MMP13: variants seen among roughly 807,000 people sequenced by gnomAD.
MMP13 encodes matrix metallopeptidase 13.
In MMP13, 45 loss-of-function variants were observed where a neutral mutation model predicts 52.1. That is an observed-to-expected ratio of 0.86 (90% confidence interval 0.68 to 1.11). The LOEUF (loss-of-function observed/expected upper bound fraction) is 1.11, where lower values mean the gene tolerates loss of function less well. Ranked by LOEUF, MMP13 falls within the 50% of genes least tolerant of loss-of-function variation. The pLI is 0.00. For missense variants in MMP13, 576 were observed against 583.8 expected, an observed-to-expected ratio of 0.99 and a Z score of 0.14; for synonymous variants, 200 against 204.4, an observed-to-expected ratio of 0.98 and a Z score of 0.18.
In MMP13 at chr11:102,951,752, T is replaced by A. The variant is rs144905065; in HGVS notation, c.799+260A>T. 6.4e-3 allele frequency among the ~76,000 whole-genome samples: 967 copies of A among 152,274 alleles called. 3 individuals are homozygous for A. The highest frequency in any genetic ancestry group is 0.017 in the Middle Eastern group (5 of 294). ...TAGGCTATATGGAACAGCCCATGTCTCCTAGGCTAGAAACCTGTCCAGCAT... is the reference window on the plus strand; with the variant it reads ...TAGGCTATATGGAACAGCCCATGTCACCTAGGCTAGAAACCTGTCCAGCAT... On this transcript the variant is annotated intron_variant, in intron 5 of 9. Transcript: ENST00000260302.
rs1352240690 is a variant in MMP13, at chr11:102,952,224, G to A, written c.638-51C>T. Reference sequence around the variant, plus strand: ...GAAAAAAAGGAATTCCAGTGACCAGGTAATGAAAGGAATATCATTTTATCT... The same window carrying A: ...GAAAAAAAGGAATTCCAGTGACCAGATAATGAAAGGAATATCATTTTATCT... On this transcript the variant is annotated intron_variant, in intron 4 of 9. Coordinates refer to ENST00000260302, the MANE Select transcript of MMP13 (RefSeq NM_002427.4). This position sits in a 1 kb window ranked among gnomAD's most constrained non-coding sequence, Gnocchi z 4.3. 4 of 1,582,926 alleles carry A rather than the reference G, an allele frequency of 2.5e-6. No homozygotes were observed. The highest frequency in any genetic ancestry group is 3.5e-6 in the Non-Finnish European group (4 of 1,153,094).
intron 8 of MMP13, among the ~76,000 whole-genome samples, chr11:102,946,400 C>T (rs1160893193): frequency 6.6e-6 from 1 of 152,084 alleles, no homozygotes; most frequent in Non-Finnish European, 1.5e-5. Context: ...GAGGTATGTT[C>T]CAACAAGTAA....
At chr11:102,953,026 C>A (rs2134520971) in intron 4 of MMP13, among the ~76,000 whole-genome samples, 1 of 152,196 alleles carries the variant, frequency 6.6e-6, no homozygotes, top group South Asian at 2.1e-4. Flanking sequence ...AATGAACCAT[C>A]CTAGCAAACC....
intron 5 of MMP13, 52 bp downstream of exon 5, chr11:102,951,960 G>T: frequency 6.4e-7 from 1 of 1,572,446 alleles, no homozygotes; most frequent in Non-Finnish European, 8.7e-7. Flanking sequence ...TAAATGCATG[G>T]GTTTCTTCTG....
intron 8 of MMP13, among the ~76,000 whole-genome samples, chr11:102,947,290 G>T (rs1555016758): frequency 6.6e-6 from 1 of 152,160 alleles, no homozygotes; most frequent in African/African-American, 2.4e-5. Flanking sequence ...GAAAGAGAAG[G>T]TGCCAATTGG....
At chr11:102,954,077 T>C in intron 4 of MMP13, 79 bp downstream of exon 4, 1 of 1,512,172 alleles carries the variant, frequency 6.6e-7, no homozygotes, top group African/African-American at 1.4e-5. Flanking sequence ...ATTTAACTTT[T>C]ATGTGTTTTA....
chr11:102,947,783 C>A (rs1860536944), intron 8 of MMP13, 108 bp downstream of exon 8: 8 of 1,251,312 alleles, frequency 6.4e-6, no homozygotes, highest in Non-Finnish European at 9.3e-6. Context: ...AAATGAATGA[C>A]TAGTATGACA....
chr11:102,946,911 G>A (rs1860517857), intron 8 of MMP13, among the ~76,000 whole-genome samples: 1 of 152,172 alleles, frequency 6.6e-6, no homozygotes, highest in Admixed American at 6.5e-5. Context: ...CTGTGTGTAT[G>A]TAGAGATGGA....
rs892052638 is a variant in MMP13, at chr11:102,952,587, A to G, written c.638-414T>C. 6.6e-6 allele frequency among the ~76,000 whole-genome samples: 1 copy of G among 152,160 alleles called. No homozygotes were observed. The highest frequency in any genetic ancestry group is 1.5e-5 in the Non-Finnish European group (1 of 68,022). The stretch of plus-strand genomic sequence containing the variant: ...GTGGTACCTAGCTAGGGTGCTGCCC[A>G]GAACATCCTCCAATCAGGAGGCAGC... On this transcript the variant is annotated intron_variant, in intron 4 of 9. Coordinates refer to ENST00000260302, the MANE Select transcript of MMP13 (RefSeq NM_002427.4). This position sits in a 1 kb window ranked among gnomAD's most constrained non-coding sequence, Gnocchi z 4.3.
At chr11:102,946,282 C>T (rs1860506000) in intron 8 of MMP13, among the ~76,000 whole-genome samples, 1 of 152,200 alleles carries the variant, frequency 6.6e-6, no homozygotes, top group African/African-American at 2.4e-5. Flanking sequence ...TTCTCCCCTG[C>T]CCACAGCCAC....
intron 5 of MMP13, among the ~76,000 whole-genome samples, chr11:102,951,711 T>C (rs1228939754): frequency 6.6e-6 from 1 of 152,146 alleles, no homozygotes; most frequent in African/African-American, 2.4e-5. Context: ...CCTAGATATA[T>C]AACCTACTAC....
rs56263074 is a variant in MMP13 at position 102,955,731 on chromosome 11, T to A, written c.-26A>T. On this transcript the variant is annotated 5_prime_UTR_variant, in exon 1 of 10. Coordinates refer to ENST00000260302, the MANE Select transcript of MMP13 (RefSeq NM_002427.4). This position sits in a 1 kb window ranked among gnomAD's most constrained non-coding sequence, Gnocchi z 4.9. ...CTTGAATGGTGATGCCTGGGGACTG[T>A]TGTCTTTCCGCAGAGATTACCTTTA... 6 of 1,613,458 alleles carry A rather than the reference T, an allele frequency of 3.7e-6. No homozygotes were observed. Among genetic ancestry groups the A allele is most frequent in the Non-Finnish European group, 5.1e-6 (6 of 1,179,798 alleles).
chr11:102,952,237 T>C lies in MMP13; in HGVS notation c.638-64A>G. 0.069 allele frequency: 70,507 copies of C among 1,025,268 alleles called. No homozygotes were observed. The highest frequency in any genetic ancestry group is 0.097 in the Non-Finnish European group (64,460 of 662,146). 63.5% of individuals were successfully genotyped at this position (1,025,268 alleles called of 1,614,324 possible). A position where few individuals can be genotyped will look rare whatever the true frequency, so the allele number is the denominator to read the frequency against. The stretch of plus-strand genomic sequence containing the variant: ...TCCAGTGACCAGGTAATGAAAGGAA[T>C]ATCATTTTATCTATCTGGTATGTTT... On this transcript the variant is annotated intron_variant, in intron 4 of 9. Coordinates refer to ENST00000260302, the MANE Select transcript of MMP13 (RefSeq NM_002427.4). The surrounding 1 kb of genome is among the most constrained non-coding windows in gnomAD (Gnocchi z 4.3).
intron 8 of MMP13, 70 bp downstream of exon 8, chr11:102,947,821 T>C: frequency 6.7e-7 from 1 of 1,491,960 alleles, no homozygotes; most frequent in South Asian, 1.1e-5. Flanking sequence ...GAATAATGTA[T>C]AGTAGTGACA....
chr11:102,948,129 A>G, intron 7 of MMP13, 79 bp from the exon 8 acceptor site: 1 of 1,157,542 alleles, frequency 8.6e-7, no homozygotes, highest in South Asian at 1.3e-5. Flanking sequence ...GCTTAAAGAC[A>G]GGCCCACTTT....
chr11:102,949,988 G>C lies in MMP13; in HGVS notation c.917+122C>G. On this transcript the variant is annotated intron_variant, in intron 6 of 9. Coordinates refer to ENST00000260302, the MANE Select transcript of MMP13 (RefSeq NM_002427.4). This position sits in a 1 kb window ranked among gnomAD's most constrained non-coding sequence, Gnocchi z 4.2. Reference sequence around the variant, plus strand: ...TTGATCTGAAATATGTAAATAAACTGCCTGCCCATTTTTACTGCTAACTTC... The same window carrying C: ...TTGATCTGAAATATGTAAATAAACTCCCTGCCCATTTTTACTGCTAACTTC... 1 of 805,352 alleles carries C rather than the reference G, an allele frequency of 1.2e-6. No homozygotes were observed. Among genetic ancestry groups the C allele is most frequent in the Admixed American group, 1.7e-5 (1 of 57,816 alleles). 49.9% of individuals were successfully genotyped at this position (805,352 alleles called of 1,614,324 possible). A position where few individuals can be genotyped will look rare whatever the true frequency, so the allele number is the denominator to read the frequency against.
At chr11:102,945,839 AT>A in intron 8 of MMP13, 90 bp from the exon 9 acceptor site, 1 of 708,548 alleles carries the variant, frequency 1.4e-6, no homozygotes, top group Non-Finnish European at 2.4e-6. Flanking sequence ...ATCTTTCAAA[AT>A]TGACAAGAAT....
At chr11:102,948,593 A>G (rs1165435396) in intron 7 of MMP13, among the ~76,000 whole-genome samples, 1 of 152,200 alleles carries the variant, frequency 6.6e-6, no homozygotes, top group African/African-American at 2.4e-5. Context: ...GCAGTAGAAT[A>G]TAAAAATGTA....
chr11:102,945,350 G>A, intron 9 of MMP13: 1 of 1,007,788 alleles, frequency 9.9e-7, no homozygotes, highest in Non-Finnish European at 1.3e-6. Flanking sequence ...CAGCCAGTTT[G>A]AATTCTGGCA....
Sources: gnomAD v4.1 joint callset for allele counts (sites outside exome capture counted in the v4.1 genomes callset) on GRCh38, gnomAD v4.1.1 for gene constraint, Gnocchi (gnomAD v3.1) non-coding constraint, MANE v1.5 for transcripts, NCBI Gene and HGNC (gene_info 2026-07-23, HGNC 2026-07-21) for gene names.